The following BBOF1 variants were observed in gnomAD, a reference collection of about 807,000 sequenced individuals.
The protein encoded by BBOF1 is basal body-orientation factor 1.
A neutral mutation model predicts 68.0 loss-of-function variants in BBOF1; 62 were observed. The observed-to-expected ratio is 0.91, with a 90% confidence interval of 0.74 to 1.13. The LOEUF (loss-of-function observed/expected upper bound fraction) is 1.13. Ranked by LOEUF, BBOF1 falls within the 50% of genes most tolerant of loss-of-function variation. The pLI, the probability that BBOF1 is intolerant of heterozygous loss-of-function variation, is 0.00. For missense variants in BBOF1, 534 were observed against 600.1 expected (o/e 0.89, Z 1.15); for synonymous variants, 208 against 198.8 (o/e 1.05, Z -0.39).
In BBOF1 at chr14:74,049,939, C is replaced by G. The variant is rs1356251630; in HGVS notation, c.1030C>G (p.Arg344Gly). ...LLQMKDREMN[R>G]VKKLAKNILD... is the part of the protein sequence containing the mutation. ...TCAGATGAAGGACAGGGAAATGAATCGTGTGAAGAAGCTGGCCAAGAACAT... is the reference window on the plus strand; with the variant it reads ...TCAGATGAAGGACAGGGAAATGAATGGTGTGAAGAAGCTGGCCAAGAACAT... The change falls in exon 8 of 12, where the codon CGT (arginine) becomes GGT (glycine). Residue 344 changes from arginine to glycine, a missense_variant. Transcript: ENST00000394009. The G allele has an allele frequency of 3.1e-6, 5 of 1,613,966 alleles. No homozygotes were observed. In the Admixed American group the frequency reaches 8.3e-5, roughly 27 times the overall value.
chr14:74,066,796 C>T (rs765805092), downstream of BBOF1: 1 of 1,614,004 alleles, frequency 6.2e-7, no homozygotes, highest in South Asian at 1.1e-5. Context: ...GATGGAAGCT[C>T]CCTCCTTTGT....
rs571057294 is a variant in BBOF1, at chr14:74,082,070, G to A, written n.1640-718G>A. On this transcript the variant is annotated intron_variant and non_coding_transcript_variant, in intron 12 of 12. Transcript: ENST00000492026. ...AAAAATACAAAAATTAGCTGGCATG[G>A]GGGCACGATCTGTTGTTGCAGCTAC... 1.4e-3 allele frequency among the ~76,000 whole-genome samples: 218 copies of A among 152,188 alleles called. 1 individual carries two copies. The highest frequency in any genetic ancestry group is 5.0e-3 in the African/African-American group (206 of 41,546).
intron 4 of BBOF1, among the ~76,000 whole-genome samples, chr14:74,035,571 C>T (rs1326758922): frequency 1.4e-5 from 2 of 146,668 alleles, no homozygotes; most frequent in Non-Finnish European, 3.0e-5. Flanking sequence ...GCGTGCACCA[C>T]CACCCCCAGC....
chr14:74,060,584 C>G, intron 11 of BBOF1: 10 of 1,217,180 alleles, frequency 8.2e-6, no homozygotes, highest in Middle Eastern at 3.8e-4. Flanking sequence ...ACAAATGAAG[C>G]TGGTCAAAAA....
At chr14:74,067,946 A>AAAT (rs2139776544), downstream of BBOF1, among the ~76,000 whole-genome samples, 1 of 151,650 alleles carries the variant, frequency 6.6e-6, no homozygotes, top group Non-Finnish European at 1.5e-5. Context: ...AACAAACAAA[A>AAAT]AACAGGAATT....
chr14:74,023,141 T>G lies in BBOF1; in HGVS notation c.282T>G (p.Asn94Lys). The change falls in exon 2 of 12, where the codon AAT (asparagine) becomes AAG (lysine). Residue 94 changes from asparagine (N) to lysine (K), a missense_variant. Physicochemically the swap from Asn to Lys is moderately conservative, Grantham distance 94. Coordinates refer to ENST00000394009, the MANE Select transcript of BBOF1 (RefSeq NM_025057.3). ...YLKKQDQEKD[N>K]MIEKLKQQLN... is the part of the protein sequence containing the mutation. ...AGAAGCAGGATCAGGAGAAAGATAATATGGTAGGTAGGTAGAAAGCCTCCT... is the reference window on the plus strand; with the variant it reads ...AGAAGCAGGATCAGGAGAAAGATAAGATGGTAGGTAGGTAGAAAGCCTCCT... 1.3e-6 allele frequency: 2 copies of G among 1,564,670 alleles called. No homozygotes were observed. The highest frequency in any genetic ancestry group is 1.7e-6 in the Non-Finnish European group (2 of 1,150,984).
intron 11 of BBOF1, among the ~76,000 whole-genome samples, chr14:74,061,789 A>G (rs1163163346): frequency 6.6e-6 from 1 of 152,142 alleles, no homozygotes; most frequent in Non-Finnish European, 1.5e-5. Context: ...CTCTCTATAT[A>G]TAGATATAGT....
downstream of BBOF1, chr14:74,066,681 A>G (rs755488626): frequency 1.8e-5 from 29 of 1,609,944 alleles, 1 homozygote; most frequent in South Asian, 3.0e-4. Context: ...CAGCTCTCAT[A>G]TTTGTGAAGT....
chr14:74,074,552 T>C lies in BBOF1; in HGVS notation n.1380-3644T>C, dbSNP rs371446260. Among the ~76,000 whole-genome samples the C allele has an allele frequency of 8.5e-5, 13 of 152,298 alleles. 1 individual carries two copies. Among genetic ancestry groups the C allele is most frequent in the African/African-American group, 3.1e-4 (13 of 41,568 alleles). Reference sequence around the variant, plus strand: ...CACCTGCCTCAGCCTCCCAAAGTGCTGGGACACTAAATTTTTAAAGCGGTC... The same window carrying C: ...CACCTGCCTCAGCCTCCCAAAGTGCCGGGACACTAAATTTTTAAAGCGGTC... On this transcript the variant is annotated intron_variant and non_coding_transcript_variant, in intron 9 of 12. Coordinates refer to the BBOF1 transcript ENST00000492026.
At chr14:74,056,531 T>A (rs1205212417) in intron 9 of BBOF1, among the ~76,000 whole-genome samples, 1 of 152,076 alleles carries the variant, frequency 6.6e-6, no homozygotes, top group Non-Finnish European at 1.5e-5. Flanking sequence ...AGACAGGGTT[T>A]CACCATGTTG....
intron 1 of BBOF1, among the ~76,000 whole-genome samples, chr14:74,021,020 G>A (rs759190317): frequency 4.6e-5 from 7 of 152,178 alleles, no homozygotes; most frequent in Non-Finnish European, 1.0e-4. Flanking sequence ...GAAGAGGACT[G>A]AGAACCAGAG....
chr14:74,078,884 C>T (rs1415894900), intron 10 of BBOF1, among the ~76,000 whole-genome samples: 1 of 151,706 alleles, frequency 6.6e-6, no homozygotes, highest in Non-Finnish European at 1.5e-5. Flanking sequence ...AGGTTGGTCT[C>T]GAACTCCTGA....
At chr14:74,068,957 G>A (rs139579994), downstream of BBOF1, 8,483 of 1,613,816 alleles carry the variant, frequency 5.3e-3, 40 homozygotes, top group Non-Finnish European at 6.4e-3. Flanking sequence ...TTTGATGTCC[G>A]GATGATCGCA....
chr14:74,057,005 T>C (rs1341693441), intron 10 of BBOF1, 25 bp downstream of exon 10: 1 of 1,601,402 alleles, frequency 6.2e-7, no homozygotes, highest in East Asian at 2.2e-5. Context: ...GCTTAAGTAA[T>C]AAACATGAGC....
At chr14:74,030,859 TA>T (rs991923527) in intron 3 of BBOF1, among the ~76,000 whole-genome samples, 7 of 148,198 alleles carry the variant, frequency 4.7e-5, no homozygotes, top group Non-Finnish European at 7.5e-5. Flanking sequence ...ATCCTCTCTT[TA>T]AAAAAAAAGG....
intron 4 of BBOF1, among the ~76,000 whole-genome samples, chr14:74,037,515 CCTGGGCTCAAGCAGT>C (rs1033517785): frequency 6.8e-6 from 1 of 147,796 alleles, no homozygotes; most frequent in East Asian, 2.1e-4. Context: ...GTCTCGAACT[CCTGGGCTCAAGCAGT>C]CTGCCTGCCT....
intron 11 of BBOF1, among the ~76,000 whole-genome samples, chr14:74,063,122 G>T (rs114223281): frequency 0.011 from 1,741 of 151,890 alleles, 35 homozygotes; most frequent in African/African-American, 0.04. Context: ...CTGTCTGAAT[G>T]TGCCATGCTT....
chr14:74,078,296 C>T (rs780137114), exon 10 of BBOF1: 1 of 455,282 alleles, frequency 2.2e-6, no homozygotes, highest in Non-Finnish European at 4.4e-6. Flanking sequence ...AAGCTCCATG[C>T]AGGAAAAGTG....
intron 2 of BBOF1, 87 bp from the exon 3 acceptor site, chr14:74,029,097 A>C (rs1034082297): frequency 1.3e-6 from 1 of 795,374 alleles, no homozygotes; most frequent in South Asian, 1.5e-5. Flanking sequence ...TATTGGTTTT[A>C]GTATTGTGTG....
Sources: gnomAD v4.1 joint callset for allele counts (sites outside exome capture counted in the v4.1 genomes callset) on GRCh38, gnomAD v4.1.1 for gene constraint, MANE v1.5 for transcripts, NCBI Gene and HGNC (gene_info 2026-07-23, HGNC 2026-07-21) for gene names.